The following SELP variants were observed in gnomAD, a reference collection of about 807,000 sequenced individuals.
SELP encodes P-selectin.
In SELP, 92 loss-of-function variants were observed where a neutral mutation model predicts 104.1. The observed-to-expected ratio is 0.88, with a 90% CI of 0.75 to 1.05. The LOEUF (loss-of-function observed/expected upper bound fraction) is 1.05, where lower values mean the gene tolerates loss of function less well. SELP is among the 50% of genes least tolerant of loss of function. The probability of loss-of-function intolerance (pLI) is 0.00; values close to 1 mark genes in which losing one functional copy is unlikely to be tolerated. For synonymous variants in SELP, 397 were observed against 364.5 expected, an observed-to-expected ratio of 1.09 and a Z score of -1.01; for missense variants, 1,022 against 1,017.3, an observed-to-expected ratio of 1.00 and a Z score of -0.06.
chr1:169,612,097 GA>G, intron 6 of SELP, 119 bp downstream of exon 6: 1 of 958,868 alleles, frequency 1.0e-6, no homozygotes, highest in Non-Finnish European at 1.6e-6. Context: ...TGGCAGGTAG[GA>G]AGAGAATTAA....
intron 7 of SELP, 58 bp from the exon 8 acceptor site, chr1:169,609,747 G>T: frequency 6.7e-7 from 1 of 1,494,850 alleles, no homozygotes; most frequent in Non-Finnish European, 9.0e-7. Flanking sequence ...TTCTTCCTCA[G>T]AAAAAATTCC....
intron 10 of SELP, among the ~76,000 whole-genome samples, chr1:169,600,356 G>A (rs1446923770): frequency 1.3e-5 from 2 of 152,176 alleles, no homozygotes; most frequent in Admixed American, 6.5e-5. Flanking sequence ...ATCTAAAGAC[G>A]GTTTAAAAGT....
chr1:169,603,046 T>C lies in SELP; in HGVS notation c.1685A>G (p.Asp562Gly), dbSNP rs775762295. 2.5e-6 allele frequency: 4 copies of C among 1,611,666 alleles called. 1 individual carries two copies. In the South Asian group the frequency reaches 4.4e-5, roughly 18 times the overall value. The change falls in exon 10 of 17, where the codon GAC becomes GGC. Residue 562 changes from aspartate to glycine, a missense_variant. Transcript: ENST00000263686. Reference sequence around the variant, plus strand: ...CCTACCTTCACACATTGGTGGGGAGTCTGTCCAGCGTCCCGATCGAGTACA... The same window carrying C: ...CCTACCTTCACACATTGGTGGGGAGCCTGTCCAGCGTCCCGATCGAGTACA... Reference protein sequence around the residue: ...LDCTRSGRWTDSPPMCEAIKC... With the variant: ...LDCTRSGRWTGSPPMCEAIKC...
chr1:169,596,933 T>A, intron 11 of SELP, 58 bp downstream of exon 11: 1 of 1,466,596 alleles, frequency 6.8e-7, no homozygotes, highest in Non-Finnish European at 9.2e-7. Flanking sequence ...GATAATTGTT[T>A]GTTGTTGTAG....
intron 1 of SELP, among the ~76,000 whole-genome samples, chr1:169,619,594 A>G (rs1190303119): frequency 6.6e-6 from 1 of 152,226 alleles, no homozygotes; most frequent in Non-Finnish European, 1.5e-5. Context: ...GTCATACCCA[A>G]GAATAACAGA....
intron 6 of SELP, 141 bp downstream of exon 6, chr1:169,612,076 A>G: frequency 1.2e-6 from 1 of 805,862 alleles, no homozygotes; most frequent in Non-Finnish European, 1.9e-6. Context: ...GATGAACCCA[A>G]TCTAGCTGAA....
rs938937599 is a variant in SELP at position 169,609,538 on chromosome 1, C to G, written c.1299G>C (p.Leu433Phe). ...CTGGGGCTGGTGCTGTCCACTGTCC[C>G]AAGTTATCACACCGAACTATATCGG... ...RGADIVRCDN[L>F]GQWTAPAPVC... Residue 433 changes from leucine (L) to phenylalanine (F), a missense_variant, in exon 8 of 17, where the codon TTG (leucine) becomes TTC (phenylalanine). By Grantham distance (22) the Leu-to-Phe change is conservative (BLOSUM62 0). Coordinates refer to ENST00000263686, the MANE Select transcript of SELP (RefSeq NM_003005.4). The G allele has an allele frequency of 1.9e-6, 3 of 1,613,868 alleles. No homozygotes were observed. The highest frequency in any genetic ancestry group is 2.5e-6 in the Non-Finnish European group (3 of 1,179,848).
chr1:169,613,802 C>G (rs1662673187), intron 3 of SELP, 109 bp from the exon 4 acceptor site: 1 of 864,488 alleles, frequency 1.2e-6, no homozygotes, highest in Non-Finnish European at 1.9e-6. Context: ...ACTGAGCTAG[C>G]CAGACAAGAG....
intron 10 of SELP, among the ~76,000 whole-genome samples, chr1:169,602,523 A>G (rs1454256052): frequency 1.3e-5 from 2 of 152,194 alleles, no homozygotes; most frequent in South Asian, 2.1e-4. Flanking sequence ...TCTCTTCCTT[A>G]TCTATAAAAT....
intron 1 of SELP, among the ~76,000 whole-genome samples, chr1:169,629,533 A>G (rs913854544): frequency 2.0e-5 from 3 of 152,252 alleles, no homozygotes; most frequent in Non-Finnish European, 4.4e-5. Context: ...AACTATGTGG[A>G]TATTCCAGAT....
At position 169,612,247 on chromosome 1, in the gene SELP, C is replaced by G; in HGVS notation, c.931G>C (p.Val311Leu). The change falls in exon 6 of 17, where the codon GTA (valine) becomes CTA (leucine). Residue 311 changes from valine to leucine, a missense_variant. By Grantham distance (32) the Val-to-Leu change is conservative. Coordinates refer to ENST00000263686, the MANE Select transcript of SELP (RefSeq NM_003005.4). The part of the protein sequence containing the change: ...PEVVQCTASG[V>L]WTAPAPVCKA... ...CACACTGGGGCTGGGGCTGTCCATA[C>G]CCCCGAGGCTGTGCATTGCACCACT... The G allele has an allele frequency of 6.2e-7, 1 of 1,614,042 alleles. No homozygotes were observed. The highest frequency in any genetic ancestry group is 8.5e-7 in the Non-Finnish European group (1 of 1,179,986).
At chr1:169,612,109 A>G in intron 6 of SELP, 108 bp downstream of exon 6, 1 of 1,098,942 alleles carries the variant, frequency 9.1e-7, no homozygotes, top group South Asian at 1.6e-5. Flanking sequence ...AGAGAATTAA[A>G]TTTTGGCAAT....
chr1:169,606,241 C>T (rs758471051), intron 9 of SELP, among the ~76,000 whole-genome samples: 7 of 152,080 alleles, frequency 4.6e-5, no homozygotes, highest in East Asian at 3.9e-4. Flanking sequence ...TGCTTGAACC[C>T]GGGAGGCGGA....
chr1:169,611,760 G>T, intron 6 of SELP, 83 bp from the exon 7 acceptor site: 1 of 1,346,526 alleles, frequency 7.4e-7, no homozygotes, highest in Non-Finnish European at 1.0e-6. Flanking sequence ...AACCACCTCT[G>T]AAATGCAGGT....
intron 6 of SELP, 103 bp downstream of exon 6, chr1:169,612,114 G>T: frequency 2.7e-6 from 3 of 1,129,494 alleles, no homozygotes; most frequent in Non-Finnish European, 3.8e-6. Flanking sequence ...ATTAAATTTT[G>T]GCAATTCAGG....
Position 169,603,156 on chromosome 1 carries a change from T to C in SELP, c.1575A>G (p.Gln525=). The C allele has an allele frequency of 6.2e-7, 1 of 1,614,056 alleles. No individual in the cohort carries two copies. The highest frequency in any genetic ancestry group is 1.3e-5 in the African/African-American group (1 of 75,012). ...ATTTATAACTGGAACTTCCAAGAGGTTGAACACAGGTCATTGTTCCATTCT... is the reference window on the plus strand; with the variant it reads ...ATTTATAACTGGAACTTCCAAGAGGCTGAACACAGGTCATTGTTCCATTCT... The part of the protein sequence containing the change: ...SPQNGTMTCV[Q]PLGSSSYKST... The change falls in exon 10 of 17, where the codon CAA becomes CAG. Residue 525 remains glutamine, a synonymous_variant. Coordinates refer to ENST00000263686, the MANE Select transcript of SELP (RefSeq NM_003005.4).
rs1472147367 is a variant in SELP, at chr1:169,612,920, TCTACATAC to T, written c.775+1_775+8del. 1.4e-5 allele frequency: 22 copies of T among 1,585,556 alleles called. No homozygotes were observed. Among genetic ancestry groups the T allele is most frequent in the Non-Finnish European group, 1.6e-5 (19 of 1,163,058 alleles). On this transcript the variant is annotated splice_donor_variant and splice_donor_5th_base_variant and intron_variant, in intron 5 of 16. Transcript: ENST00000263686. LOFTEE classifies it high-confidence loss of function. ...GTCAGTGAGGATGAAAAGAATAAGG[TCTACATAC>T]CTAAACACTGTGGAGGCTTATTTGT...
At chr1:169,611,385 G>A in intron 7 of SELP, 107 bp downstream of exon 7, 1 of 1,142,352 alleles carries the variant, frequency 8.8e-7, no homozygotes, top group Non-Finnish European at 1.2e-6. Flanking sequence ...GCTTGCTCTA[G>A]TGCAAGAACT....
rs374408740 is a variant in SELP at position 169,593,671 on chromosome 1, A to G, written c.2341T>C (p.Ser781Pro). 1 of 1,613,482 alleles carries G rather than the reference A, an allele frequency of 6.2e-7. No homozygotes were observed. The highest frequency in any genetic ancestry group is 8.5e-7 in the Non-Finnish European group (1 of 1,179,630). The change falls in exon 14 of 17, where the codon TCT (serine) becomes CCT (proline). Residue 781 changes from serine (S) to proline (P), a missense_variant. Physicochemically the swap from Ser to Pro is moderately conservative, Grantham distance 74. Transcript: ENST00000263686. ...ALTYFGGAVA[S>P]TIGLIMGGTL... The stretch of plus-strand genomic sequence containing the variant: ...CCACCCATTATCAGACCTATCGTAG[A>G]AGCCACCGCTCCACCAAAGTAAGTC...
Sources: gnomAD v4.1 joint callset for allele counts (sites outside exome capture counted in the v4.1 genomes callset) on GRCh38, gnomAD v4.1.1 for gene constraint, MANE v1.5 for transcripts, NCBI Gene and HGNC (gene_info 2026-07-23, HGNC 2026-07-21) for gene names.